The following HS6ST3 variants were observed in gnomAD, a reference collection of about 807,000 sequenced individuals.
HS6ST3 encodes the protein heparan-sulfate 6-O-sulfotransferase 3.
A neutral mutation model predicts 36.7 loss-of-function variants in HS6ST3; 12 were observed. The observed-to-expected ratio is 0.33, with a 90% CI of 0.21 to 0.53. The LOEUF (loss-of-function observed/expected upper bound fraction) is 0.53, where lower values mean the gene tolerates loss of function less well. Ranked by LOEUF, HS6ST3 falls within the 20% of genes least tolerant of loss-of-function variation. The pLI is 0.95. For synonymous variants in HS6ST3, 240 were observed against 257.5 expected (o/e 0.93, Z 0.65); for missense variants, 584 against 640.9 (o/e 0.91, Z 0.96).
At chr13:96,507,849 G>T (rs953411086) in intron 1 of HS6ST3, among the ~76,000 whole-genome samples, 4 of 151,992 alleles carry the variant, frequency 2.6e-5, no homozygotes, top group African/African-American at 9.7e-5. Context: ...ATCATTTTAA[G>T]ATTAACTATT....
At chr13:96,400,430 A>G (rs2055445537) in intron 1 of HS6ST3, among the ~76,000 whole-genome samples, 1 of 152,132 alleles carries the variant, frequency 6.6e-6, no homozygotes, top group African/African-American at 2.4e-5. Flanking sequence ...AATATCTAGT[A>G]AAGTGTCCTG....
At chr13:96,440,358 A>C (rs1382438575) in intron 1 of HS6ST3, among the ~76,000 whole-genome samples, 1 of 151,616 alleles carries the variant, frequency 6.6e-6, no homozygotes, top group African/African-American at 2.4e-5. Flanking sequence ...AGGCATGAGA[A>C]TCGCTTGAAC....
At chr13:96,387,650 G>A (rs967959908) in intron 1 of HS6ST3, among the ~76,000 whole-genome samples, 1 of 152,078 alleles carries the variant, frequency 6.6e-6, no homozygotes, top group African/African-American at 2.4e-5. Context: ...ATTCTATACT[G>A]GGGGAAAATG....
At chr13:96,416,610 TTAGG>T (rs2055533954) in intron 1 of HS6ST3, among the ~76,000 whole-genome samples, 1 of 152,106 alleles carries the variant, frequency 6.6e-6, no homozygotes, top group South Asian at 2.1e-4. Flanking sequence ...CATAAAGGTA[TTAGG>T]TAGTTACAAA....
At chr13:96,492,478 T>TC (rs1256306175) in intron 1 of HS6ST3, among the ~76,000 whole-genome samples, 1 of 152,234 alleles carries the variant, frequency 6.6e-6, no homozygotes, top group Non-Finnish European at 1.5e-5. Context: ...ATCTTTCAAG[T>TC]CCCCCTTAGT....
chr13:96,417,447 A>C (rs1220565822), intron 1 of HS6ST3, among the ~76,000 whole-genome samples: 1 of 152,104 alleles, frequency 6.6e-6, no homozygotes, highest in Non-Finnish European at 1.5e-5. Context: ...TATGGCTGTC[A>C]ATGTAGCACC....
intron 1 of HS6ST3, among the ~76,000 whole-genome samples, chr13:96,830,950 G>A (rs1004931331): frequency 8.5e-5 from 13 of 152,184 alleles, no homozygotes; most frequent in East Asian, 1.9e-4. Flanking sequence ...GACAGCTTGC[G>A]GGCCTGCTCC....
intron 1 of HS6ST3, among the ~76,000 whole-genome samples, chr13:96,230,772 C>T (rs2054504240): frequency 6.6e-6 from 1 of 152,004 alleles, no homozygotes; most frequent in Non-Finnish European, 1.5e-5. Flanking sequence ...AAAAGATGGG[C>T]AGTATCTGAG....
chr13:96,646,089 G>A (rs1161541918), intron 1 of HS6ST3, among the ~76,000 whole-genome samples: 1 of 151,946 alleles, frequency 6.6e-6, no homozygotes, highest in Non-Finnish European at 1.5e-5. Context: ...GAAACAGACG[G>A]ACCAGTAATA....
chr13:96,458,334 G>A (rs575494253), intron 1 of HS6ST3, among the ~76,000 whole-genome samples: 20 of 152,136 alleles, frequency 1.3e-4, no homozygotes, highest in East Asian at 7.7e-4. Context: ...AGAGAAAGAC[G>A]AAGTGTATGG....
intron 1 of HS6ST3, among the ~76,000 whole-genome samples, chr13:96,374,828 A>T (rs1199022962): frequency 1.3e-5 from 2 of 152,084 alleles, no homozygotes; most frequent in Non-Finnish European, 2.9e-5. Context: ...TAATCTGTAT[A>T]TCCCCCTCCA....
At chr13:96,633,753 G>A (rs910266475) in intron 1 of HS6ST3, among the ~76,000 whole-genome samples, 1 of 152,156 alleles carries the variant, frequency 6.6e-6, no homozygotes, top group Non-Finnish European at 1.5e-5. Flanking sequence ...CTGAGAGTAA[G>A]GTGATGCAAG....
intron 1 of HS6ST3, among the ~76,000 whole-genome samples, chr13:96,147,509 C>G (rs2054064031): frequency 6.6e-6 from 1 of 152,242 alleles, no homozygotes; most frequent in Non-Finnish European, 1.5e-5. Context: ...GCTGGGGCCA[C>G]TGTCTTCTGG....
intron 1 of HS6ST3, among the ~76,000 whole-genome samples, chr13:96,545,977 G>A (rs2056196248): frequency 6.6e-6 from 1 of 152,022 alleles, no homozygotes; most frequent in South Asian, 2.1e-4. Flanking sequence ...GGCACATAGT[G>A]GGCACTCAAG....
intron 1 of HS6ST3, among the ~76,000 whole-genome samples, chr13:96,649,332 T>C (rs1243948750): frequency 2.0e-5 from 3 of 151,890 alleles, no homozygotes; most frequent in African/African-American, 7.3e-5. Context: ...GGGAAGCCCA[T>C]TATAAAACCA....
intron 1 of HS6ST3, among the ~76,000 whole-genome samples, chr13:96,177,839 A>G (rs1425136232): frequency 6.6e-6 from 1 of 152,210 alleles, no homozygotes; most frequent in Non-Finnish European, 1.5e-5. Flanking sequence ...TCTGTACAGT[A>G]TAAGAAACCA....
chr13:96,387,484 A>G (rs565911211), intron 1 of HS6ST3, among the ~76,000 whole-genome samples: 6 of 152,330 alleles, frequency 3.9e-5, no homozygotes, highest in African/African-American at 7.2e-5. Context: ...TTGTCTGTGT[A>G]TGGTGGTTAA....
chr13:96,223,421 T>C (rs894425760), intron 1 of HS6ST3, among the ~76,000 whole-genome samples: 2 of 152,216 alleles, frequency 1.3e-5, no homozygotes, highest in African/African-American at 4.8e-5. Flanking sequence ...TGTGGTTGCC[T>C]GCACAGTGGC....
intron 1 of HS6ST3, among the ~76,000 whole-genome samples, chr13:96,782,407 A>G (rs892253049): frequency 6.6e-6 from 1 of 152,102 alleles, no homozygotes; most frequent in Non-Finnish European, 1.5e-5. Flanking sequence ...TTCCTTGCAT[A>G]TGGGTGTGGC....
Sources: gnomAD v4.1 joint callset for allele counts (sites outside exome capture counted in the v4.1 genomes callset) on GRCh38, gnomAD v4.1.1 for gene constraint, MANE v1.5 for transcripts, NCBI Gene and HGNC (gene_info 2026-07-23, HGNC 2026-07-21) for gene names.